CALN1: variants seen among roughly 807,000 people sequenced by gnomAD.
The protein encoded by CALN1 is calneuron 1.
A neutral mutation model predicts 30.6 loss-of-function variants in CALN1; 17 were observed. The observed-to-expected ratio is 0.56, with a 90% confidence interval of 0.38 to 0.83. CALN1 has a LOEUF of 0.83. CALN1 is among the 40% of genes least tolerant of loss of function. The pLI, the probability that CALN1 is intolerant of heterozygous loss-of-function variation, is 0.00. For synonymous variants in CALN1, 156 were observed against 131.4 expected (o/e 1.19, Z -1.28); for missense variants, 291 against 354.9 (o/e 0.82, Z 1.45).
At chr7:72,323,030 AAACC>A (rs1253408842) in intron 2 of CALN1, among the ~76,000 whole-genome samples, 1 of 151,738 alleles carries the variant, frequency 6.6e-6, no homozygotes. Context: ...GCACGCAAAA[AAACC>A]AATTTGTAAT....
chr7:71,889,973 A>G (rs1292000260), intron 5 of CALN1, among the ~76,000 whole-genome samples: 1 of 152,094 alleles, frequency 6.6e-6, no homozygotes, highest in Non-Finnish European at 1.5e-5. Context: ...TCGGAAAAAA[A>G]AAAAAAAAAG....
the CALN1 span, among the ~76,000 whole-genome samples, chr7:72,469,144 C>A: frequency 1.3e-5 from 2 of 152,162 alleles, no homozygotes; most frequent in Admixed American, 6.6e-5. Flanking sequence ...AAAACCTGGT[C>A]ATGAATATTT....
intron 5 of CALN1, among the ~76,000 whole-genome samples, chr7:71,823,586 C>T (rs1788722030): frequency 6.6e-6 from 1 of 152,050 alleles, no homozygotes; most frequent in South Asian, 2.1e-4. Context: ...GGCATGGTGG[C>T]AGGCGCCTGT....
intron 5 of CALN1, among the ~76,000 whole-genome samples, chr7:71,880,754 C>T (rs1171418429): frequency 1.3e-5 from 2 of 152,184 alleles, no homozygotes; most frequent in Non-Finnish European, 2.9e-5. Context: ...ACTCTTCCCT[C>T]CCTTTGTATT....
intron 5 of CALN1, among the ~76,000 whole-genome samples, chr7:71,923,576 G>A (rs898973342): frequency 4.0e-5 from 6 of 151,826 alleles, no homozygotes; most frequent in African/African-American, 9.7e-5. Flanking sequence ...CTGTTTTCCC[G>A]GTGCATTCTT....
chr7:72,090,584 A>T (rs562738388), intron 4 of CALN1, among the ~76,000 whole-genome samples: 7 of 152,302 alleles, frequency 4.6e-5, no homozygotes, highest in Non-Finnish European at 1.0e-4. Flanking sequence ...TAACAAATAC[A>T]CAACAAAAAC....
At chr7:72,022,431 T>C (rs780085055) in intron 5 of CALN1, among the ~76,000 whole-genome samples, 3 of 152,230 alleles carry the variant, frequency 2.0e-5, no homozygotes, top group Non-Finnish European at 4.4e-5. Flanking sequence ...CTTGCTCTGT[T>C]GCCCATGCTA....
chr7:72,360,606 ATTT>A (rs564045355), intron 2 of CALN1, among the ~76,000 whole-genome samples: 1 of 145,292 alleles, frequency 6.9e-6, no homozygotes, highest in East Asian at 2.0e-4. Context: ...TTTCTTTTCT[ATTT>A]TTTTTTTATT....
chr7:72,153,108 G>A (rs1422650632), intron 3 of CALN1, among the ~76,000 whole-genome samples: 1 of 152,196 alleles, frequency 6.6e-6, no homozygotes, highest in Non-Finnish European at 1.5e-5. Flanking sequence ...AACAGTGAAT[G>A]TTAAGACTGG....
chr7:72,174,826 GGTGGTA>G (rs1789224788), intron 3 of CALN1, among the ~76,000 whole-genome samples: 1 of 152,074 alleles, frequency 6.6e-6, no homozygotes, highest in Non-Finnish European at 1.5e-5. Context: ...CTCTTTATTG[GGTGGTA>G]GTATTATAGG....
At chr7:72,075,808 G>A (rs1450275657) in intron 4 of CALN1, among the ~76,000 whole-genome samples, 1 of 152,150 alleles carries the variant, frequency 6.6e-6, no homozygotes, top group Non-Finnish European at 1.5e-5. Context: ...GCCATGGGAG[G>A]TTAGGTTTCA....
chr7:71,981,372 T>A (rs956978126), intron 5 of CALN1, among the ~76,000 whole-genome samples: 6 of 151,920 alleles, frequency 3.9e-5, no homozygotes, highest in Non-Finnish European at 7.4e-5. Flanking sequence ...TCGTGAGGCA[T>A]CCATAAAAAC....
intron 5 of CALN1, among the ~76,000 whole-genome samples, chr7:72,000,613 T>A (rs953470884): frequency 1.3e-5 from 2 of 152,156 alleles, no homozygotes; most frequent in African/African-American, 4.8e-5. Flanking sequence ...TTAAAAACCA[T>A]TTTATACCAT....
chr7:72,006,639 A>T (rs904035361), intron 5 of CALN1, among the ~76,000 whole-genome samples: 1 of 152,168 alleles, frequency 6.6e-6, no homozygotes, highest in Non-Finnish European at 1.5e-5. Context: ...AGAAAATGAG[A>T]TGAGGTTAGT....
intron 6 of CALN1, among the ~76,000 whole-genome samples, chr7:71,809,708 A>C (rs1300174246): frequency 6.6e-6 from 1 of 151,636 alleles, no homozygotes; most frequent in African/African-American, 2.4e-5. Context: ...TTTTTCTTTA[A>C]ATTTGCTTTC....
upstream of CALN1, among the ~76,000 whole-genome samples, chr7:72,451,209 AAGGAGGAGGAGG>A (rs546106123): frequency 7.9e-6 from 1 of 126,054 alleles, no homozygotes; most frequent in Non-Finnish European, 1.6e-5. Flanking sequence ...GAAGAAGAAG[AAGGAGGAGGAGG>A]AGGAGGAGGA....
At chr7:72,194,709 G>T (rs1585135844) in intron 3 of CALN1, among the ~76,000 whole-genome samples, 1 of 149,148 alleles carries the variant, frequency 6.7e-6, no homozygotes, top group South Asian at 2.2e-4. Flanking sequence ...CTCCTGCCTC[G>T]GCCTCCCAAG....
chr7:72,331,495 A>C (rs1801675765), intron 2 of CALN1, among the ~76,000 whole-genome samples: 1 of 152,236 alleles, frequency 6.6e-6, no homozygotes, highest in Non-Finnish European at 1.5e-5. Context: ...TGAATGCAGC[A>C]GAATGATACA....
At chr7:71,840,047 C>G (rs1317521907) in intron 5 of CALN1, among the ~76,000 whole-genome samples, 1 of 152,194 alleles carries the variant, frequency 6.6e-6, no homozygotes, top group Non-Finnish European at 1.5e-5. Flanking sequence ...GCCACAGATT[C>G]AACCAACCCT....
Sources: allele counts gnomAD v4.1 joint callset (sites outside exome capture counted in the v4.1 genomes callset), GRCh38; gene constraint gnomAD v4.1.1; transcripts MANE v1.5; gene names NCBI Gene and HGNC (gene_info 2026-07-23, HGNC 2026-07-21).